WDR3: variants seen among roughly 807,000 people sequenced by gnomAD.
WDR3 encodes WD repeat domain 3.
Under a neutral mutation model 123.7 loss-of-function variants are expected in WDR3, and 81 were observed. The observed-to-expected ratio is 0.65, with a 90% CI of 0.55 to 0.79. The LOEUF is 0.79. Among genes scored for constraint, WDR3 ranks in the 30% least tolerant of loss-of-function variants. The probability of loss-of-function intolerance (pLI) is 0.00; values close to 1 mark genes in which losing one functional copy is unlikely to be tolerated. For synonymous variants in WDR3, 390 were observed against 388.8 expected (o/e 1.00, Z -0.04); for missense variants, 1,027 against 1,123.2 (o/e 0.91, Z 1.22).
At chr1:117,954,848 A>G (rs1557826624) in intron 23 of WDR3, among the ~76,000 whole-genome samples, 2 of 152,070 alleles carry the variant, frequency 1.3e-5, no homozygotes, top group East Asian at 3.9e-4. Flanking sequence ...CTGGACTGGC[A>G]TTCTTCTGTT....
At chr1:117,951,221 C>T (rs1651596294) in intron 16 of WDR3, among the ~76,000 whole-genome samples, 1 of 151,834 alleles carries the variant, frequency 6.6e-6, no homozygotes, top group South Asian at 2.1e-4. Context: ...AAAAGGCATT[C>T]CTTTTTATTC....
intron 19 of WDR3, 31 bp from the exon 20 acceptor site, chr1:117,952,915 C>T (rs1402698824): frequency 1.2e-6 from 2 of 1,608,254 alleles, no homozygotes; most frequent in Non-Finnish European, 1.7e-6. Flanking sequence ...GTTTTTTTCT[C>T]TCAAATTAAT....
At chr1:117,953,667 G>T in intron 21 of WDR3, 126 bp downstream of exon 21, 2 of 838,018 alleles carry the variant, frequency 2.4e-6, no homozygotes, top group Non-Finnish European at 1.9e-6. Context: ...TAAAGATGGG[G>T]ATTATAACCT....
chr1:117,948,637 C>G, intron 13 of WDR3, 131 bp downstream of exon 13: 1 of 521,354 alleles, frequency 1.9e-6, no homozygotes, highest in Non-Finnish European at 3.2e-6. Flanking sequence ...GTATATGATG[C>G]CTTCTTATAA....
intron 24 of WDR3, among the ~76,000 whole-genome samples, chr1:117,956,106 A>G (rs754517884): frequency 1.3e-5 from 2 of 152,100 alleles, no homozygotes; most frequent in Non-Finnish European, 2.9e-5. Flanking sequence ...ATTTCAGCAT[A>G]TTTGTTGACC....
In WDR3 at chr1:117,943,488, C is replaced by A. The variant is rs1194259632; in HGVS notation, c.1190C>A (p.Ser397Tyr). The change falls in exon 11 of 27, where the codon TCC (serine) becomes TAC (tyrosine). Residue 397 changes from serine to tyrosine, a missense_variant. Ser to Tyr is a moderately radical substitution (Grantham distance 144). Transcript: ENST00000349139. Reference protein sequence around the residue: ...NLVELYSLNPSLPTPQPVRTS... With the variant: ...NLVELYSLNPYLPTPQPVRTS... ...GTGGAATTGTATTCACTGAATCCATCCTTGCCTACTCCTCAGCCTGTCAGG... is the reference window on the plus strand; with the variant it reads ...GTGGAATTGTATTCACTGAATCCATACTTGCCTACTCCTCAGCCTGTCAGG... 2 of 1,613,974 alleles carry A rather than the reference C, an allele frequency of 1.2e-6. No homozygotes were observed. Among genetic ancestry groups the A allele is most frequent in the Non-Finnish European group, 1.7e-6 (2 of 1,180,034 alleles).
Position 117,943,076 on chromosome 1 carries a change from C to T in WDR3, c.1098-320C>T, listed in dbSNP as rs201301999. Among the ~76,000 whole-genome samples, 22 of 152,034 alleles carry T rather than the reference C, an allele frequency of 1.4e-4. No individual in the cohort carries two copies. The East Asian group carries it at 3.5e-3, about 24-fold the overall frequency. ...CAAGCGATTCTCCTGCCTCACCCTCCGCAGTAACTGGGATTACAGACTTGT... is the reference window on the plus strand; with the variant it reads ...CAAGCGATTCTCCTGCCTCACCCTCTGCAGTAACTGGGATTACAGACTTGT... On this transcript the variant is annotated intron_variant, in intron 10 of 26. Transcript: ENST00000349139.
rs182328910 is a variant in WDR3, at chr1:117,958,703, T to C, written c.2583-207T>C. 4.7e-4 allele frequency among the ~76,000 whole-genome samples: 72 copies of C among 151,772 alleles called. 2 individuals are homozygous for C. The East Asian group carries it at 0.012, about 26-fold the overall frequency. On this transcript the variant is annotated intron_variant, in intron 25 of 26. Coordinates refer to ENST00000349139, the MANE Select transcript of WDR3 (RefSeq NM_006784.3). ...AATGAGTTGAATGTGTCATAAGGTT[T>C]AGGACAGTATTTTTTAAGTTGTCAT... is the stretch of plus-strand genomic sequence containing the variant.
rs1273004496 is a variant in WDR3 at position 117,950,031 on chromosome 1, TGAA to T, written c.1650_1652del (p.Glu550del). ...AGCAAACCCGAACTTTGCAACTAGA[TGAA>T]GATGTTCTGTGTGTCAGTTACTCTC... On this transcript the variant is annotated inframe_deletion, in exon 15 of 27. Coordinates refer to ENST00000349139, the MANE Select transcript of WDR3 (RefSeq NM_006784.3). 1.2e-6 allele frequency: 2 copies of T among 1,613,928 alleles called. No homozygotes were observed. The highest frequency in any genetic ancestry group is 1.7e-5 in the Admixed American group (1 of 59,982).
chr1:117,939,511 G>T lies in WDR3; in HGVS notation c.614G>T (p.Arg205Leu). 1 of 1,613,692 alleles carries T rather than the reference G, an allele frequency of 6.2e-7. No individual in the cohort carries two copies. The highest frequency in any genetic ancestry group is 1.1e-5 in the South Asian group (1 of 91,058). ...WGLVLLSEEK[R>L]LITGASDSEL... ...TTGGTTCTGTTGTCAGAAGAAAAGC[G>T]ACTCATCACTGGGGCCTCAGACAGT... is the stretch of plus-strand genomic sequence containing the variant. Residue 205 changes from arginine (R) to leucine (L), a missense_variant, in exon 6 of 27, where the codon CGA becomes CTA. By Grantham distance (102) the Arg-to-Leu change is moderately radical (BLOSUM62 -2). Coordinates refer to ENST00000349139, the MANE Select transcript of WDR3 (RefSeq NM_006784.3).
At chr1:117,953,574 T>C in intron 21 of WDR3, 33 bp downstream of exon 21, 1 of 1,598,982 alleles carries the variant, frequency 6.3e-7, no homozygotes, top group Non-Finnish European at 8.5e-7. Context: ...ATCTCGTTTT[T>C]TAATAAGATC....
chr1:117,943,535 G>T lies in WDR3; in HGVS notation c.1237G>T (p.Gly413Cys). The T allele has an allele frequency of 6.2e-7, 1 of 1,614,062 alleles. No homozygotes were observed. The highest frequency in any genetic ancestry group is 2.2e-5 in the East Asian group (1 of 44,860). Residue 413 changes from glycine (G) to cysteine (C), a missense_variant, in exon 11 of 27, where the codon GGT (glycine) becomes TGT (cysteine). Transcript: ENST00000349139. ...CAGGACAAGCAGAATCACTATTGGG[G>T]GTCATCGCAGTGATGTGCGGACTTT... The part of the protein sequence containing the change: ...PVRTSRITIG[G>C]HRSDVRTLSF...
In WDR3 at chr1:117,941,111, GCTT is replaced by G. The variant is rs759237545; in HGVS notation, c.790-7_790-5del. The G allele has an allele frequency of 4.3e-6, 7 of 1,613,722 alleles. No individual in the cohort carries two copies. In the South Asian group the frequency reaches 4.4e-5, roughly 10 times the overall value. On this transcript the variant is annotated splice_polypyrimidine_tract_variant and intron_variant, in intron 7 of 26. Coordinates refer to ENST00000349139, the MANE Select transcript of WDR3 (RefSeq NM_006784.3). ...TTACATCTAACCTTCATCTGCTCTT[GCTT>G]CTTCTGTAGCGAATCCTTTCATGCA...
intron 25 of WDR3, among the ~76,000 whole-genome samples, chr1:117,957,881 G>T (rs1652447967): frequency 6.6e-6 from 1 of 152,120 alleles, no homozygotes; most frequent in African/African-American, 2.4e-5. Context: ...ATTTCTCTTG[G>T]TCTCTACAGG....
At position 117,950,077 on chromosome 1, in the gene WDR3, G is replaced by T. The variant is rs1397034408; in HGVS notation, c.1693G>T (p.Ala565Ser). 7 of 1,613,614 alleles carry T rather than the reference G, an allele frequency of 4.3e-6. No individual in the cohort carries two copies. The highest frequency in any genetic ancestry group is 1.7e-6 in the Non-Finnish European group (2 of 1,179,896). Residue 565 changes from alanine to serine, a missense_variant, in exon 15 of 27, where the codon GCT (alanine) becomes TCT (serine). By Grantham distance (99) the Ala-to-Ser change is moderately conservative (BLOSUM62 1). Transcript: ENST00000349139. ...VSYSPNQKLL[A>S]VSLLDCTVKI... ...TTACTCTCCCAATCAAAAGCTATTG[G>T]CTGTGTCTTTGCTGGACTGTACTGT...
Position 117,933,276 on chromosome 1 carries a change from T to G in WDR3, c.-32-12T>G. The G allele has an allele frequency of 6.2e-7, 1 of 1,601,852 alleles. No homozygotes were observed. On this transcript the variant is annotated splice_polypyrimidine_tract_variant and intron_variant, in intron 1 of 26. Coordinates refer to ENST00000349139, the MANE Select transcript of WDR3 (RefSeq NM_006784.3). The stretch of plus-strand genomic sequence containing the variant: ...ACCCAAGGAGCTGAGTTTTCTTTGT[T>G]TATATGCACAGATTGCTTCACCTGT...
At chr1:117,954,824 C>G (rs913814689) in intron 23 of WDR3, among the ~76,000 whole-genome samples, 197 bp downstream of exon 23, 1 of 152,020 alleles carries the variant, frequency 6.6e-6, no homozygotes. Context: ...CCCAAGCCAG[C>G]CTTTTTGGTT....
At chr1:117,959,261 A>AT (rs757829055) in intron 26 of WDR3, 31 bp from the exon 27 acceptor site, 134 of 1,593,466 alleles carry the variant, frequency 8.4e-5, no homozygotes, top group Non-Finnish European at 1.1e-4. Context: ...GTGGGAGAAA[A>AT]TTTTTTAATA....
At chr1:117,954,769 C>T in intron 23 of WDR3, 142 bp downstream of exon 23, 2 of 910,390 alleles carry the variant, frequency 2.2e-6, no homozygotes, top group Admixed American at 5.4e-5. Flanking sequence ...TCTTGGCATT[C>T]TCTAGGATAT....
Sources: allele counts gnomAD v4.1 joint callset (sites outside exome capture counted in the v4.1 genomes callset), GRCh38; gene constraint gnomAD v4.1.1; transcripts MANE v1.5; gene names NCBI Gene and HGNC (gene_info 2026-07-23, HGNC 2026-07-21).